AAGAB: variants seen among roughly 807,000 people sequenced by gnomAD.
AAGAB encodes alpha and gamma adaptin binding protein.
AAGAB carries 38 observed loss-of-function variants against 44.1 expected under a neutral mutation model. The observed-to-expected ratio is 0.86, with a 90% CI of 0.67 to 1.13. The LOEUF is 1.13. AAGAB is among the 50% of genes most tolerant of loss of function. The pLI is 0.00. For missense variants in AAGAB, 450 were observed against 373.8 expected (o/e 1.20, Z -1.68); for synonymous variants, 131 against 131.8 (o/e 0.99, Z 0.04).
chr15:67,229,765 T>C (rs949740884), intron 5 of AAGAB, among the ~76,000 whole-genome samples: 7 of 152,042 alleles, frequency 4.6e-5, no homozygotes, highest in African/African-American at 1.4e-4. Flanking sequence ...AATATTCTAT[T>C]TTTATAAAAC....
chr15:67,253,690 G>A (rs931210808), intron 1 of AAGAB, among the ~76,000 whole-genome samples: 10 of 152,006 alleles, frequency 6.6e-5, no homozygotes, highest in African/African-American at 2.2e-4. Context: ...GGAGTTCGAG[G>A]CTGAAGTGAG....
intron 5 of AAGAB, among the ~76,000 whole-genome samples, chr15:67,215,306 C>A (rs117437888): frequency 6.6e-6 from 1 of 152,128 alleles, no homozygotes; most frequent in African/African-American, 2.4e-5. Flanking sequence ...CTGAAATATC[C>A]GCTGAATGTC....
intron 1 of AAGAB, among the ~76,000 whole-genome samples, chr15:67,251,719 T>A (rs1459303500): frequency 1.3e-5 from 2 of 152,182 alleles, no homozygotes; most frequent in East Asian, 3.9e-4. Context: ...AAAAGGTAGA[T>A]CCAATTCAAT....
chr15:67,250,797 C>T (rs1196308294), intron 1 of AAGAB, among the ~76,000 whole-genome samples: 4 of 152,016 alleles, frequency 2.6e-5, no homozygotes, highest in South Asian at 2.1e-4. Flanking sequence ...GAGGCTGAGG[C>T]GGGCAGATCA....
At chr15:67,244,375 A>T (rs949335011) in intron 1 of AAGAB, among the ~76,000 whole-genome samples, 8 of 152,234 alleles carry the variant, frequency 5.3e-5, no homozygotes, top group Non-Finnish European at 1.0e-4. Context: ...GTTTCAAGAC[A>T]CCATCAAGAA....
intron 1 of AAGAB, among the ~76,000 whole-genome samples, chr15:67,248,532 T>G (rs1224897954): frequency 6.6e-6 from 1 of 152,214 alleles, no homozygotes; most frequent in African/African-American, 2.4e-5. Context: ...AAACACACAT[T>G]TGAAGACTCA....
chr15:67,238,698 A>ATT (rs35660168), intron 1 of AAGAB, among the ~76,000 whole-genome samples: 13 of 145,550 alleles, frequency 8.9e-5, no homozygotes, highest in African/African-American at 2.2e-4. Context: ...ATCAGTCTTA[A>ATT]TTTTTTTTTT....
intron 1 of AAGAB, among the ~76,000 whole-genome samples, chr15:67,241,553 T>C (rs917572533): frequency 1.3e-5 from 2 of 152,042 alleles, no homozygotes; most frequent in African/African-American, 2.4e-5. Flanking sequence ...GAGAAGAGCA[T>C]GGAAAATAGA....
chr15:67,248,752 T>C (rs530959042), intron 1 of AAGAB, among the ~76,000 whole-genome samples: 29 of 152,362 alleles, frequency 1.9e-4, no homozygotes, highest in Non-Finnish European at 3.8e-4. Flanking sequence ...GGCTTTCCTG[T>C]GTAACTCTCC....
At position 67,254,649 on chromosome 15, in the gene AAGAB, G is replaced by A. The variant is rs778385934; in HGVS notation, c.-18C>T. Reference sequence around the variant, plus strand: ...GCAGCCATAGCTGCGCTCGCGAGCCGGTTCCGTCAGGCAGCCGCTTCCGCC... The same window carrying A: ...GCAGCCATAGCTGCGCTCGCGAGCCAGTTCCGTCAGGCAGCCGCTTCCGCC... On this transcript the variant is annotated 5_prime_UTR_variant, in exon 1 of 10. Coordinates refer to ENST00000261880, the MANE Select transcript of AAGAB (RefSeq NM_024666.5). The A allele has an allele frequency of 1.3e-6, 2 of 1,598,892 alleles. No homozygotes were observed. The highest frequency in any genetic ancestry group is 3.4e-5 in the Admixed American group (2 of 58,116).
chr15:67,209,388 AAT>A, intron 6 of AAGAB, 72 bp downstream of exon 6: 1 of 1,190,526 alleles, frequency 8.4e-7, no homozygotes, highest in Non-Finnish European at 1.2e-6. Context: ...AACAATGGTG[AAT>A]GTGTCAAGAT....
chr15:67,244,212 T>C (rs532326160), intron 1 of AAGAB, among the ~76,000 whole-genome samples: 1 of 152,120 alleles, frequency 6.6e-6, no homozygotes, highest in Non-Finnish European at 1.5e-5. Context: ...GTATTGAAAA[T>C]AAGCTTGATC....
At chr15:67,236,171 A>G (rs149612837) in intron 3 of AAGAB, 103 bp from the exon 4 acceptor site, 7 of 977,956 alleles carry the variant, frequency 7.2e-6, no homozygotes, top group Admixed American at 6.8e-5. Flanking sequence ...CTTAATGTCA[A>G]TGTTATTCTA....
At chr15:67,227,789 A>G (rs929942658) in intron 5 of AAGAB, among the ~76,000 whole-genome samples, 9 of 152,212 alleles carry the variant, frequency 5.9e-5, no homozygotes, top group Admixed American at 5.2e-4. Flanking sequence ...CTCTAAAAGG[A>G]TATCCTTCAC....
chr15:67,216,145 T>G (rs1963939597), intron 5 of AAGAB, among the ~76,000 whole-genome samples: 2 of 151,756 alleles, frequency 1.3e-5, no homozygotes, highest in Non-Finnish European at 2.9e-5. Flanking sequence ...AAGAGAAAAG[T>G]ATAAAGAAGA....
chr15:67,241,843 T>G (rs571695197), intron 1 of AAGAB, among the ~76,000 whole-genome samples: 7 of 152,248 alleles, frequency 4.6e-5, no homozygotes, highest in African/African-American at 1.7e-4. Flanking sequence ...GTTAGTAAGA[T>G]ACATTACAAT....
At position 67,222,282 on chromosome 15, in the gene AAGAB, A is replaced by C. The variant is rs79783349; in HGVS notation, c.535+9532T>G. Among the ~76,000 whole-genome samples, 490 of 139,690 alleles carry C rather than the reference A, an allele frequency of 3.5e-3. 1 individual carries two copies. Among genetic ancestry groups the C allele is most frequent in the East Asian group, 7.8e-3 (34 of 4,332 alleles). 91.6% of individuals were successfully genotyped at this position (139,690 alleles called of 152,430 possible). A position where few individuals can be genotyped will look rare whatever the true frequency, so the allele number is the denominator to read the frequency against. On this transcript the variant is annotated intron_variant, in intron 5 of 9. Coordinates refer to ENST00000261880, the MANE Select transcript of AAGAB (RefSeq NM_024666.5). Reference sequence around the variant, plus strand: ...CACACACACACACACACACACACACACCCTCCACCCATGCTGCCTGACTTT... The same window carrying C: ...CACACACACACACACACACACACACCCCCTCCACCCATGCTGCCTGACTTT...
upstream of AAGAB, chr15:67,254,847 C>G (rs765012111): frequency 1.9e-5 from 30 of 1,585,878 alleles, no homozygotes; most frequent in South Asian, 3.4e-5. Context: ...TGAAGGTTTC[C>G]GTGCTTGGAA....
chr15:67,233,492 T>C (rs1964391424), intron 4 of AAGAB, among the ~76,000 whole-genome samples: 2 of 152,130 alleles, frequency 1.3e-5, no homozygotes, highest in South Asian at 2.1e-4. Flanking sequence ...ATGACAGAAA[T>C]AGTTTTCATG....
Sources: allele counts gnomAD v4.1 joint callset (sites outside exome capture counted in the v4.1 genomes callset), GRCh38; gene constraint gnomAD v4.1.1; transcripts MANE v1.5; gene names NCBI Gene and HGNC (gene_info 2026-07-23, HGNC 2026-07-21).